Variants in SENP7 observed in about 807,000 individuals in gnomAD.
The protein encoded by SENP7 is SUMO specific peptidase 7, also known as sentrin-specific protease 7.
Under a neutral mutation model 141.2 loss-of-function variants are expected in SENP7, and 64 were observed. The ratio of observed to expected loss-of-function variants is 0.45; its 90% confidence interval spans 0.37 to 0.56. The LOEUF (loss-of-function observed/expected upper bound fraction) is 0.56. SENP7 is among the 20% of genes least tolerant of loss of function. SENP7 has a pLI of 0.00. For synonymous variants in SENP7, 382 were observed against 426.4 expected (o/e 0.90, Z 1.28); for missense variants, 1,025 against 1,212.2 (o/e 0.85, Z 2.29).
At chr3:101,328,710 A>C (rs1307684221) in intron 20 of SENP7, 21 bp from the exon 21 acceptor site, 2 of 1,572,538 alleles carry the variant, frequency 1.3e-6, no homozygotes, top group Non-Finnish European at 1.7e-6. Context: ...ATAAATTTTT[A>C]TGACTGCAAT....
Position 101,397,346 on chromosome 3 carries a change from T to G in SENP7, c.677+1515A>C, listed in dbSNP as rs2060999696. Among the ~76,000 whole-genome samples, 3 of 152,184 alleles carry G rather than the reference T, an allele frequency of 2.0e-5. No homozygotes were observed. In the South Asian group the frequency reaches 6.2e-4, roughly 32 times the overall value. ...CAAGATCTCACTATGCCTCCTAGGC[T>G]GGTCTTGAACTCCTCGCCTCAAGTG... On this transcript the variant is annotated intron_variant, in intron 6 of 23. Coordinates refer to ENST00000394095, the MANE Select transcript of SENP7 (RefSeq NM_020654.5).
chr3:101,372,994 T>C (rs2060222562), intron 6 of SENP7, among the ~76,000 whole-genome samples: 1 of 151,972 alleles, frequency 6.6e-6, no homozygotes, highest in Non-Finnish European at 1.5e-5. Context: ...GCAACTAGTA[T>C]AAGTCAAAAA....
chr3:101,442,533 C>T (rs2062718615), intron 4 of SENP7, among the ~76,000 whole-genome samples: 1 of 152,182 alleles, frequency 6.6e-6, no homozygotes, highest in Non-Finnish European at 1.5e-5. Context: ...GGCTCTGCGG[C>T]CTGGTTCCTA....
chr3:101,335,944 C>T (rs1240620646), intron 17 of SENP7, among the ~76,000 whole-genome samples: 1 of 152,174 alleles, frequency 6.6e-6, no homozygotes. Context: ...TGTAAAGACA[C>T]TCAAAATGGA....
intron 1 of SENP7, among the ~76,000 whole-genome samples, chr3:101,507,792 T>G (rs1322878495): frequency 2.0e-5 from 3 of 152,136 alleles, no homozygotes. Flanking sequence ...GGCTCACACC[T>G]GTAATCACAG....
chr3:101,425,664 T>C (rs2061936630), intron 4 of SENP7, among the ~76,000 whole-genome samples: 1 of 152,160 alleles, frequency 6.6e-6, no homozygotes, highest in African/African-American at 2.4e-5. Flanking sequence ...TAGGCTGAGA[T>C]GGCTGAAATG....
chr3:101,421,645 C>T (rs144353381), intron 4 of SENP7, among the ~76,000 whole-genome samples: 3,922 of 152,220 alleles, frequency 0.026, 261 homozygotes, highest in Admixed American at 0.15. Context: ...CTAAATGAGA[C>T]GGACAATTTG....
Position 101,459,126 on chromosome 3 carries a change from AT to A in SENP7, c.187-75del, listed in dbSNP as rs374755417. 1,052 of 778,498 alleles carry A rather than the reference AT, an allele frequency of 1.4e-3. 5 individuals are homozygous for A. In the African/African-American group the frequency reaches 0.017, roughly 13 times the overall value. The allele number at this position is 778,498 out of a possible 1,614,324, so 48.2% of individuals were successfully genotyped here. Reference sequence around the variant, plus strand: ...AGAGGCATTTAAACTGTTCTTTTTTATTTGGAAATTTGTTATAAACGATCAA... The same window carrying A: ...AGAGGCATTTAAACTGTTCTTTTTTATTGGAAATTTGTTATAAACGATCAA... On this transcript the variant is annotated intron_variant, in intron 3 of 23. Coordinates refer to ENST00000394095, the MANE Select transcript of SENP7 (RefSeq NM_020654.5).
intron 4 of SENP7, among the ~76,000 whole-genome samples, chr3:101,443,342 G>T (rs1385754225): frequency 6.6e-6 from 1 of 151,952 alleles, no homozygotes; most frequent in East Asian, 1.9e-4. Context: ...ATGCTGTTTT[G>T]GTTACTGTAG....
intron 22 of SENP7, 72 bp from the exon 23 acceptor site, chr3:101,327,888 C>T (rs141682754): frequency 6.2e-5 from 78 of 1,266,770 alleles, no homozygotes; most frequent in Middle Eastern, 2.0e-4. Flanking sequence ...TTCAGAAAGG[C>T]GGAAAAACAT....
chr3:101,507,208 A>T (rs1321581962), intron 1 of SENP7, among the ~76,000 whole-genome samples: 3 of 152,238 alleles, frequency 2.0e-5, no homozygotes, highest in Non-Finnish European at 4.4e-5. Flanking sequence ...CAGATTCATA[A>T]ATTACTGAAA....
intron 4 of SENP7, among the ~76,000 whole-genome samples, chr3:101,426,566 G>A (rs981440480): frequency 2.8e-4 from 42 of 151,000 alleles, no homozygotes; most frequent in African/African-American, 1.0e-3. Flanking sequence ...TGCAACCTCT[G>A]CCTCCCAGGC....
At chr3:101,424,178 T>C (rs1283159160) in intron 4 of SENP7, among the ~76,000 whole-genome samples, 1 of 151,986 alleles carries the variant, frequency 6.6e-6, no homozygotes, top group Non-Finnish European at 1.5e-5. Flanking sequence ...AGGGCAGCAT[T>C]GGGTGCCCTG....
intron 3 of SENP7, among the ~76,000 whole-genome samples, chr3:101,488,283 T>C (rs968221997): frequency 6.6e-6 from 1 of 152,204 alleles, no homozygotes. Flanking sequence ...TGTCTAGAAA[T>C]GCTACTGATT....
intron 2 of SENP7, among the ~76,000 whole-genome samples, chr3:101,500,344 C>A (rs146359358): frequency 1.3e-4 from 20 of 152,164 alleles, no homozygotes; most frequent in Non-Finnish European, 2.4e-4. Context: ...TGCTTGAGGC[C>A]AGGAATGTGA....
chr3:101,404,035 C>T (rs1419055474), intron 5 of SENP7, among the ~76,000 whole-genome samples: 3 of 152,108 alleles, frequency 2.0e-5, no homozygotes, highest in South Asian at 4.1e-4. Flanking sequence ...TATCATACTA[C>T]CAACAACATT....
chr3:101,499,337 A>T (rs1017208611), intron 2 of SENP7, among the ~76,000 whole-genome samples: 5 of 152,106 alleles, frequency 3.3e-5, no homozygotes, highest in African/African-American at 4.8e-5. Context: ...TTCAAAGTAG[A>T]TATGATAGTA....
intron 2 of SENP7, among the ~76,000 whole-genome samples, chr3:101,500,643 G>A (rs1265144442): frequency 6.6e-6 from 1 of 152,094 alleles, no homozygotes; most frequent in Non-Finnish European, 1.5e-5. Flanking sequence ...TGCTACTCTT[G>A]GCTTACGTAG....
chr3:101,475,951 C>T (rs908733126), intron 3 of SENP7, among the ~76,000 whole-genome samples: 3 of 151,390 alleles, frequency 2.0e-5, no homozygotes, highest in African/African-American at 4.8e-5. Context: ...GAAAATAAAC[C>T]AAAAAAAATT....
Sources: gnomAD v4.1 joint callset for allele counts (sites outside exome capture counted in the v4.1 genomes callset) on GRCh38, gnomAD v4.1.1 for gene constraint, MANE v1.5 for transcripts, NCBI Gene and HGNC (gene_info 2026-07-23, HGNC 2026-07-21) for gene names.